Variants in RECK observed in about 807,000 individuals in gnomAD.
The protein encoded by RECK is reversion-inducing cysteine-rich protein with Kazal motifs.
A neutral mutation model predicts 115.1 loss-of-function variants in RECK; 69 were observed. The ratio of observed to expected loss-of-function variants is 0.60; its 90% CI spans 0.49 to 0.73. The LOEUF is 0.73. Among genes scored for constraint, RECK ranks in the 30% least tolerant of loss-of-function variants. RECK has a pLI of 0.00. For synonymous variants in RECK, 414 were observed against 419.7 expected (o/e 0.99, Z 0.17); for missense variants, 1,047 against 1,203.7 (o/e 0.87, Z 1.93).
In RECK at chr9:36,109,984, G is replaced by A; in HGVS notation, c.1793G>A (p.Cys598Tyr). The change falls in exon 15 of 21, where the codon TGC (cysteine) becomes TAC (tyrosine). Residue 598 changes from cysteine (C) to tyrosine (Y), a missense_variant. By Grantham distance (194) the Cys-to-Tyr change is radical (BLOSUM62 -2). Coordinates refer to ENST00000377966, the MANE Select transcript of RECK (RefSeq NM_021111.3). ...CATGGAACATCCTTTAGTATTGACT[G>A]CAATGTCTGTTCTTGTTTTGCTGGC... ...KSHGTSFSID[C>Y]NVCSCFAGNL... The A allele has an allele frequency of 6.2e-7, 1 of 1,613,072 alleles. No homozygotes were observed. The highest frequency in any genetic ancestry group is 8.5e-7 in the Non-Finnish European group (1 of 1,179,132).
intron 9 of RECK, 62 bp downstream of exon 9, chr9:36,088,023 A>G: frequency 1.6e-6 from 2 of 1,260,588 alleles, no homozygotes; most frequent in Non-Finnish European, 2.3e-6. Context: ...TAATGATTTT[A>G]AGCCTAGCAA....
intron 7 of RECK, among the ~76,000 whole-genome samples, chr9:36,081,222 A>G (rs186271486): frequency 5.3e-5 from 8 of 152,340 alleles, no homozygotes; most frequent in Non-Finnish European, 8.8e-5. Context: ...GCAGACAGAC[A>G]TGGGAAAACA....
At chr9:36,089,302 G>A (rs35843325) in intron 9 of RECK, among the ~76,000 whole-genome samples, 6 of 152,298 alleles carry the variant, frequency 3.9e-5, no homozygotes, top group Non-Finnish European at 7.4e-5. Context: ...AAGAGCTTCA[G>A]TAAGGAAGGC....
At chr9:36,042,495 G>T (rs1292109667) in intron 1 of RECK, among the ~76,000 whole-genome samples, 1 of 151,310 alleles carries the variant, frequency 6.6e-6, no homozygotes, top group Non-Finnish European at 1.5e-5. Flanking sequence ...TTTATCCAAT[G>T]GGCATTTGGG....
At chr9:36,121,472 G>A (rs1422115298) in intron 19 of RECK, 61 bp from the exon 20 acceptor site, 22 of 1,508,114 alleles carry the variant, frequency 1.5e-5, no homozygotes, top group Non-Finnish European at 2.0e-5. Context: ...CAAAGCAAGG[G>A]AGCTTAGGCA....
chr9:36,105,188 G>A lies in RECK; in HGVS notation c.1481G>A (p.Cys494Tyr), dbSNP rs774408192. The change falls in exon 13 of 21, where the codon TGT becomes TAT. Residue 494 changes from cysteine (C) to tyrosine (Y), a missense_variant. Coordinates refer to ENST00000377966, the MANE Select transcript of RECK (RefSeq NM_021111.3). ...GNIVEEVTHP[C>Y]NPNPCPANEL... The stretch of plus-strand genomic sequence containing the variant: ...ATTGTAGAAGAAGTGACTCATCCCT[G>A]TAACCCAAATCCTTGCCCTGCCAAT... 21 of 1,613,956 alleles carry A rather than the reference G, an allele frequency of 1.3e-5. No individual in the cohort carries two copies. The highest frequency in any genetic ancestry group is 1.7e-5 in the Non-Finnish European group (20 of 1,180,000).
chr9:36,041,353 T>C (rs1405269447), intron 1 of RECK, among the ~76,000 whole-genome samples: 6 of 152,180 alleles, frequency 3.9e-5, no homozygotes, highest in Admixed American at 1.3e-4. Context: ...CATGAGATAA[T>C]TGGGAGCTAT....
chr9:36,117,283 C>T, intron 17 of RECK, 106 bp downstream of exon 17: 1 of 862,418 alleles, frequency 1.2e-6, no homozygotes, highest in Non-Finnish European at 1.7e-6. Context: ...TTCTGTGAAT[C>T]CTGTCAAATC....
At position 36,120,708 on chromosome 9, in the gene RECK, A is replaced by T. The variant is rs1824428789; in HGVS notation, c.2510A>T (p.Asp837Val). The T allele has an allele frequency of 6.2e-7, 1 of 1,612,850 alleles. No homozygotes were observed. Among genetic ancestry groups the T allele is most frequent in the Non-Finnish European group, 8.5e-7 (1 of 1,178,794 alleles). The change falls in exon 19 of 21, where the codon GAC becomes GTC. Residue 837 changes from aspartate (D) to valine (V), a missense_variant. Physicochemically the swap from Asp to Val is radical, Grantham distance 152. Transcript: ENST00000377966. ...LCAGMLRVLF[D>V]KEKLDTIAKV... ...GCTGGGATGTTAAGAGTTTTATTTG[A>T]CAAAGAAAAACTGGATACTATTGCT...
intron 2 of RECK, among the ~76,000 whole-genome samples, chr9:36,053,827 C>T (rs1440137140): frequency 3.3e-5 from 5 of 152,124 alleles, no homozygotes. Context: ...ACTATAGTCA[C>T]CCTAATAAAG....
At chr9:36,067,038 A>G (rs1318927657) in intron 6 of RECK, among the ~76,000 whole-genome samples, 1 of 152,210 alleles carries the variant, frequency 6.6e-6, no homozygotes, top group Admixed American at 6.5e-5. Context: ...ATTCTTCAAT[A>G]TAAGACTCAA....
At chr9:36,095,925 A>T (rs1292799949) in intron 10 of RECK, among the ~76,000 whole-genome samples, 1 of 147,538 alleles carries the variant, frequency 6.8e-6, no homozygotes, top group African/African-American at 2.5e-5. Context: ...ACAAAAAAAA[A>T]ATTAGCCAGG....
At chr9:36,071,771 A>G (rs561198896) in intron 6 of RECK, among the ~76,000 whole-genome samples, 7 of 152,330 alleles carry the variant, frequency 4.6e-5, no homozygotes, top group East Asian at 3.9e-4. Flanking sequence ...ACAGTTGCCA[A>G]TACAACTAAA....
chr9:36,122,686 G>C (rs1824505233), intron 20 of RECK, 138 bp from the exon 21 acceptor site: 1 of 634,890 alleles, frequency 1.6e-6, no homozygotes, highest in Admixed American at 2.9e-5. Context: ...TGTTACTTTG[G>C]ATAAGAACAG....
At chr9:36,045,791 A>C (rs1381611424) in intron 1 of RECK, among the ~76,000 whole-genome samples, 1 of 152,084 alleles carries the variant, frequency 6.6e-6, no homozygotes, top group East Asian at 1.9e-4. Flanking sequence ...GTTTTTCTGC[A>C]TGTGGCTGGA....
In RECK at chr9:36,123,220, T is replaced by G. The variant is rs75612573; in HGVS notation, c.*175T>G. On this transcript the variant is annotated 3_prime_UTR_variant, in exon 21 of 21. Coordinates refer to ENST00000377966, the MANE Select transcript of RECK (RefSeq NM_021111.3). The stretch of plus-strand genomic sequence containing the variant: ...AATATTAGTAGGATTTTTGTTTTGT[T>G]TTTACAAATGTTAAAATGTGTTGTT... 239 of 553,896 alleles carry G rather than the reference T, an allele frequency of 4.3e-4. 2 individuals are homozygous for G. In the East Asian group the frequency reaches 6.9e-3, roughly 16 times the overall value. The allele number at this position is 553,896 out of a possible 1,614,324, so 34.3% of individuals were successfully genotyped here. A position where few individuals can be genotyped will look rare whatever the true frequency, so the allele number is the denominator to read the frequency against.
rs370772446 is a variant in RECK, at chr9:36,051,261, C to T, written c.101-1004C>T. 8.5e-5 allele frequency among the ~76,000 whole-genome samples: 13 copies of T among 152,248 alleles called. No homozygotes were observed. The East Asian group carries it at 9.6e-4, about 11-fold the overall frequency. ...CTTGAGACTTGTTCTGTCAGAGGAA[C>T]ATTAGCTCTCTACTGCTCTTTTCTG... On this transcript the variant is annotated intron_variant, in intron 1 of 20. Coordinates refer to ENST00000377966, the MANE Select transcript of RECK (RefSeq NM_021111.3).
At chr9:36,063,207 C>T (rs1441466981) in intron 4 of RECK, among the ~76,000 whole-genome samples, 1 of 152,144 alleles carries the variant, frequency 6.6e-6, no homozygotes, top group Non-Finnish European at 1.5e-5. Flanking sequence ...GGAAGAGTCA[C>T]TGCTGAACAT....
At chr9:36,046,580 A>G (rs988898616) in intron 1 of RECK, among the ~76,000 whole-genome samples, 1 of 152,182 alleles carries the variant, frequency 6.6e-6, no homozygotes, top group African/African-American at 2.4e-5. Context: ...CCTCAAGAGA[A>G]GACATATGCT....
Sources: allele counts gnomAD v4.1 joint callset (sites outside exome capture counted in the v4.1 genomes callset), GRCh38; gene constraint gnomAD v4.1.1; transcripts MANE v1.5; gene names NCBI Gene and HGNC (gene_info 2026-07-23, HGNC 2026-07-21).